RFWD3: variants seen among roughly 807,000 people sequenced by gnomAD.
RFWD3 encodes E3 ubiquitin-protein ligase RFWD3.
A neutral mutation model predicts 87.7 loss-of-function variants in RFWD3; 65 were observed. The ratio of observed to expected loss-of-function variants is 0.74; its 90% CI spans 0.61 to 0.91. RFWD3 has a LOEUF of 0.91. Among genes scored for constraint, RFWD3 ranks in the 40% least tolerant of loss-of-function variants. The pLI is 0.00. For missense variants in RFWD3, 1,078 were observed against 938.5 expected (o/e 1.15, Z -1.94); for synonymous variants, 433 against 352.8 (o/e 1.23, Z -2.55).
At position 74,661,067 on chromosome 16, in the gene RFWD3, T is replaced by C; in HGVS notation, c.383A>G (p.Gln128Arg). The change falls in exon 2 of 13, where the codon CAG becomes CGG. Residue 128 changes from glutamine (Q) to arginine (R), a missense_variant. Physicochemically the swap from Gln to Arg is conservative, Grantham distance 43 (BLOSUM62 1). Transcript: ENST00000361070. ...HSMTNFISGL[Q>R]RLHGMLEFLR... ...GAATTCCAGCATGCCATGAAGTCTC[T>C]GCAGTCCGCTGATGAAGTTGGTCAT... The C allele has an allele frequency of 6.2e-7, 1 of 1,614,252 alleles. No homozygotes were observed. Among genetic ancestry groups the C allele is most frequent in the Non-Finnish European group, 8.5e-7 (1 of 1,180,038 alleles).
intron 6 of RFWD3, 71 bp from the exon 7 acceptor site, chr16:74,638,041 G>T: frequency 1.0e-6 from 1 of 958,772 alleles, no homozygotes; most frequent in East Asian, 2.6e-5. Context: ...AGGTGGCAGA[G>T]TTAAGTTCAT....
At chr16:74,633,138 G>A (rs921190168) in intron 8 of RFWD3, among the ~76,000 whole-genome samples, 15 of 151,948 alleles carry the variant, frequency 9.9e-5, no homozygotes, top group Admixed American at 2.6e-4. Context: ...TTAGCCAGGC[G>A]TGGTGGCAAG....
Position 74,644,467 on chromosome 16 carries a change from T to A in RFWD3, c.988-14A>T, listed in dbSNP as rs181999564. ...TTTCTTGTTGCACTAAAGAACCCAA[T>A]AGGACATAATTAGAGTGGTTCTAGG... is the stretch of plus-strand genomic sequence containing the variant. On this transcript the variant is annotated splice_polypyrimidine_tract_variant and intron_variant, in intron 5 of 12. Coordinates refer to ENST00000361070, the MANE Select transcript of RFWD3 (RefSeq NM_018124.4). 2 of 1,614,158 alleles carry A rather than the reference T, an allele frequency of 1.2e-6. No homozygotes were observed. The highest frequency in any genetic ancestry group is 1.7e-5 in the Admixed American group (1 of 60,024).
intron 6 of RFWD3, among the ~76,000 whole-genome samples, chr16:74,643,458 G>C (rs1040744476): frequency 5.9e-5 from 9 of 151,918 alleles, no homozygotes; most frequent in Non-Finnish European, 1.0e-4. Context: ...AGTAAATCTT[G>C]GTACACAGCC....
intron 2 of RFWD3, among the ~76,000 whole-genome samples, chr16:74,657,302 G>C (rs188547357): frequency 6.6e-6 from 1 of 152,054 alleles, no homozygotes; most frequent in Non-Finnish European, 1.5e-5. Context: ...AATGAGATTC[G>C]GCTGTTTTTC....
At chr16:74,659,196 G>T (rs538294361) in intron 2 of RFWD3, among the ~76,000 whole-genome samples, 1 of 152,236 alleles carries the variant, frequency 6.6e-6, no homozygotes, top group South Asian at 2.1e-4. Context: ...TTGACCAAGA[G>T]GAATCCACTC....
intron 3 of RFWD3, among the ~76,000 whole-genome samples, chr16:74,649,523 G>A (rs1034007062): frequency 6.6e-6 from 1 of 151,878 alleles, no homozygotes; most frequent in Non-Finnish European, 1.5e-5. Flanking sequence ...ATTTTCTTTT[G>A]GTTGGAATAC....
At chr16:74,651,237 T>A (rs1960538790) in intron 3 of RFWD3, among the ~76,000 whole-genome samples, 1 of 152,200 alleles carries the variant, frequency 6.6e-6, no homozygotes, top group Admixed American at 6.5e-5. Context: ...TTAAATAAAG[T>A]TCCACTTGCA....
chr16:74,629,610 G>C (rs750874215), intron 10 of RFWD3, among the ~76,000 whole-genome samples: 18 of 151,636 alleles, frequency 1.2e-4, no homozygotes, highest in Non-Finnish European at 2.2e-4. Context: ...CTGGGTGACA[G>C]AGTGAGACAC....
chr16:74,628,101 G>A (rs769420079), intron 11 of RFWD3, among the ~76,000 whole-genome samples: 1 of 152,216 alleles, frequency 6.6e-6, no homozygotes, highest in Non-Finnish European at 1.5e-5. Flanking sequence ...TCTCTCAGGG[G>A]AAGTAAGAGG....
Position 74,644,725 on chromosome 16 carries a change from T to C in RFWD3, c.803A>G (p.Gln268Arg), listed in dbSNP as rs768734363. The C allele has an allele frequency of 3.1e-6, 5 of 1,611,194 alleles. No individual in the cohort carries two copies. Among genetic ancestry groups the C allele is most frequent in the Non-Finnish European group, 4.2e-6 (5 of 1,177,686 alleles). ...GKTLPKQPSP[Q>R]KSEPLLPSAS... is the part of the protein sequence containing the mutation. ...AGAAGGTAGCAGAGGCTCAGACTTC[T>C]GGGGAGATGGCTAGATGGAAAGCAG... Residue 268 changes from glutamine (Q) to arginine (R), a missense_variant, in exon 5 of 13, where the codon CAG (glutamine) becomes CGG (arginine). Physicochemically the swap from Gln to Arg is conservative, Grantham distance 43 (BLOSUM62 1). Coordinates refer to ENST00000361070, the MANE Select transcript of RFWD3 (RefSeq NM_018124.4).
At chr16:74,645,140 A>C (rs1597438011) in intron 4 of RFWD3, among the ~76,000 whole-genome samples, 1 of 152,248 alleles carries the variant, frequency 6.6e-6, no homozygotes, top group South Asian at 2.1e-4. Flanking sequence ...CAAATTAAAG[A>C]GACCATTTTT....
intron 6 of RFWD3, among the ~76,000 whole-genome samples, chr16:74,639,523 C>T (rs867322617): frequency 6.6e-6 from 1 of 152,040 alleles, no homozygotes; most frequent in Non-Finnish European, 1.5e-5. Context: ...GTGAAAGACA[C>T]AAGAAAACAG....
At chr16:74,624,825 A>C (rs6564153) in intron 12 of RFWD3, among the ~76,000 whole-genome samples, 110,213 of 151,404 alleles carry the variant, frequency 0.73, 40,647 homozygotes, top group African/African-American at 0.85. Context: ...GCAAGAATCC[A>C]ATCTCTACAA....
Position 74,621,977 on chromosome 16 carries a change from A to G in RFWD3, c.*1951T>C, listed in dbSNP as rs375210473. The G allele has an allele frequency of 5.9e-5, 9 of 152,322 alleles. No individual in the cohort carries two copies. The East Asian group carries it at 7.7e-4, about 13-fold the overall frequency. The allele number at this position is 152,322 out of a possible 1,614,324, so 9.4% of individuals were successfully genotyped here. ...ATGAATTTGCTTCCAAAACATCCAAATTTAATGTACTAATGCAAGGACTGG... is the reference window on the plus strand; with the variant it reads ...ATGAATTTGCTTCCAAAACATCCAAGTTTAATGTACTAATGCAAGGACTGG... On this transcript the variant is annotated 3_prime_UTR_variant, in exon 13 of 13. Transcript: ENST00000361070.
intron 8 of RFWD3, among the ~76,000 whole-genome samples, chr16:74,633,528 C>T (rs532726005): frequency 2.2e-4 from 33 of 152,060 alleles, no homozygotes; most frequent in Non-Finnish European, 4.9e-4. Flanking sequence ...CTATATAATT[C>T]CATTTATGTA....
rs540189984 is a variant in RFWD3, at chr16:74,637,104, G to A, written c.1195-527C>T. 8.8e-5 allele frequency among the ~76,000 whole-genome samples: 11 copies of A among 124,516 alleles called. No homozygotes were observed. The South Asian group carries it at 2.3e-3, about 26-fold the overall frequency. 81.7% of individuals were successfully genotyped at this position (124,516 alleles called of 152,430 possible). On this transcript the variant is annotated intron_variant, in intron 7 of 12. Coordinates refer to ENST00000361070, the MANE Select transcript of RFWD3 (RefSeq NM_018124.4). ...TGAGGGTTGAAAGTCCTTAATGGTG[G>A]TTTCGTTTAAAGTCCTTTAAAAAAA...
intron 12 of RFWD3, among the ~76,000 whole-genome samples, chr16:74,624,356 G>A (rs768901115): frequency 6.6e-6 from 1 of 152,136 alleles, no homozygotes; most frequent in African/African-American, 2.4e-5. Flanking sequence ...GGACAGAAGG[G>A]TCAATAAGAT....
chr16:74,661,536 AT>A, intron 1 of RFWD3, 85 bp from the exon 2 acceptor site: 1 of 1,232,918 alleles, frequency 8.1e-7, no homozygotes, highest in Non-Finnish European at 1.1e-6. Context: ...AATCTTTCTG[AT>A]TTTATGTTTA....
Sources: gnomAD v4.1 joint callset for allele counts (sites outside exome capture counted in the v4.1 genomes callset) on GRCh38, gnomAD v4.1.1 for gene constraint, MANE v1.5 for transcripts, NCBI Gene and HGNC (gene_info 2026-07-23, HGNC 2026-07-21) for gene names.